Variants in CALN1 observed in about 807,000 individuals in gnomAD.
The protein encoded by CALN1 is calneuron 1.
In CALN1, 17 loss-of-function variants were observed where a neutral mutation model predicts 30.6. That is an observed-to-expected ratio of 0.56 (90% CI 0.38 to 0.83). The LOEUF (loss-of-function observed/expected upper bound fraction) is 0.83. Ranked by LOEUF, CALN1 falls within the 40% of genes least tolerant of loss-of-function variation. CALN1 has a pLI of 0.00. For synonymous variants in CALN1, 156 were observed against 131.4 expected (o/e 1.19, Z -1.28); for missense variants, 291 against 354.9 (o/e 0.82, Z 1.45).
chr7:72,007,195 G>A (rs529381742), intron 5 of CALN1, among the ~76,000 whole-genome samples: 2 of 152,200 alleles, frequency 1.3e-5, no homozygotes, highest in African/African-American at 4.8e-5. Flanking sequence ...ACTTCCACCA[G>A]CCACGTGACT....
chr7:71,833,448 C>T (rs572953129), intron 5 of CALN1, among the ~76,000 whole-genome samples: 4 of 151,564 alleles, frequency 2.6e-5, no homozygotes, highest in South Asian at 2.1e-4. Context: ...AAATATGTGG[C>T]AAATGGAGAC....
chr7:71,867,711 G>A (rs1285885708), intron 5 of CALN1, among the ~76,000 whole-genome samples: 2 of 152,174 alleles, frequency 1.3e-5, no homozygotes, highest in Non-Finnish European at 2.9e-5. Flanking sequence ...GGGATCACAG[G>A]AGTGAGCTAC....
chr7:72,049,549 C>T (rs925791973), intron 4 of CALN1, among the ~76,000 whole-genome samples: 3 of 152,142 alleles, frequency 2.0e-5, no homozygotes, highest in Non-Finnish European at 4.4e-5. Flanking sequence ...CTCTTGTTGC[C>T]CAGTCTGGAG....
intron 5 of CALN1, among the ~76,000 whole-genome samples, chr7:71,931,545 G>T (rs1369703762): frequency 6.6e-6 from 1 of 152,206 alleles, no homozygotes; most frequent in Non-Finnish European, 1.5e-5. Context: ...GGAATTACAA[G>T]CATGCGCCAC....
At chr7:72,245,611 T>G (rs1795106908) in intron 3 of CALN1, among the ~76,000 whole-genome samples, 1 of 145,044 alleles carries the variant, frequency 6.9e-6, no homozygotes, top group African/African-American at 2.6e-5. Context: ...AGAATGAAAC[T>G]CCATCTCTAA....
At chr7:71,857,235 G>A (rs1258451200) in intron 5 of CALN1, among the ~76,000 whole-genome samples, 2 of 152,136 alleles carry the variant, frequency 1.3e-5, no homozygotes, top group South Asian at 2.1e-4. Flanking sequence ...AATGGGCTAA[G>A]TGAATTTTGG....
intron 2 of CALN1, among the ~76,000 whole-genome samples, chr7:72,329,350 G>A (rs1194010393): frequency 6.6e-6 from 1 of 152,226 alleles, no homozygotes; most frequent in Non-Finnish European, 1.5e-5. Context: ...GACAGCTGGA[G>A]ACAGGATGAT....
At chr7:72,162,440 AGAG>A (rs1283329373) in intron 3 of CALN1, among the ~76,000 whole-genome samples, 1 of 152,118 alleles carries the variant, frequency 6.6e-6, no homozygotes, top group African/African-American at 2.4e-5. Flanking sequence ...TAAAAAACAA[AGAG>A]GATATATGGG....
chr7:71,973,391 G>C (rs1797946902), intron 5 of CALN1, among the ~76,000 whole-genome samples: 1 of 152,134 alleles, frequency 6.6e-6, no homozygotes, highest in Non-Finnish European at 1.5e-5. Context: ...GGCCAGGCTG[G>C]TCTCAAACTC....
At position 72,212,486 on chromosome 7, in the gene CALN1, T is replaced by G. The variant is rs1167895826; in HGVS notation, c.244+66200A>C. On this transcript the variant is annotated intron_variant, in intron 3 of 6. Coordinates refer to ENST00000395275, the MANE Select transcript of CALN1 (RefSeq NM_031468.4). ...CCAAAATATCTTCATCTTCAATCAA[T>G]GCATTGGGGGTACCATAGAAGACGA... 3.3e-5 allele frequency among the ~76,000 whole-genome samples: 5 copies of G among 152,036 alleles called. No individual in the cohort carries two copies. In the East Asian group the frequency reaches 7.7e-4, roughly 23 times the overall value.
intron 3 of CALN1, among the ~76,000 whole-genome samples, chr7:72,196,316 G>A (rs1385341819): frequency 1.3e-5 from 2 of 152,086 alleles, no homozygotes; most frequent in Admixed American, 6.5e-5. Flanking sequence ...ATGCGGTTTC[G>A]CCATGTTGCC....
At chr7:71,890,599 CATA>C (rs1328956796) in intron 5 of CALN1, among the ~76,000 whole-genome samples, 1 of 151,944 alleles carries the variant, frequency 6.6e-6, no homozygotes, top group Non-Finnish European at 1.5e-5. Context: ...AAAAATTATC[CATA>C]ATATTTTATC....
At chr7:72,105,769 A>AAGG (rs1313259645) in intron 4 of CALN1, among the ~76,000 whole-genome samples, 4 of 115,248 alleles carry the variant, frequency 3.5e-5, no homozygotes, top group East Asian at 3.8e-4. Flanking sequence ...GAGGAAGAAG[A>AAGG]AGGAGGAGGA....
chr7:72,198,672 G>T (rs541800734), intron 3 of CALN1, among the ~76,000 whole-genome samples: 1 of 151,870 alleles, frequency 6.6e-6, no homozygotes, highest in East Asian at 1.9e-4. Flanking sequence ...ACCTAAAAAA[G>T]AAAAAGGGAT....
At chr7:72,195,498 C>T (rs1278440966) in intron 3 of CALN1, among the ~76,000 whole-genome samples, 1 of 152,174 alleles carries the variant, frequency 6.6e-6, no homozygotes, top group Non-Finnish European at 1.5e-5. Context: ...GCTTCAGCCT[C>T]CTGAGTAGCT....
intron 5 of CALN1, among the ~76,000 whole-genome samples, chr7:71,825,485 T>A (rs994715273): frequency 6.6e-6 from 1 of 152,166 alleles, no homozygotes; most frequent in East Asian, 1.9e-4. Flanking sequence ...AATGAAGACA[T>A]ACCTGAGACT....
rs148580346 is a variant in CALN1, at chr7:72,367,908, T to C, written c.119+35343A>G. Among the ~76,000 whole-genome samples, 184 of 152,036 alleles carry C rather than the reference T, an allele frequency of 1.2e-3. 1 individual carries two copies. The highest frequency in any genetic ancestry group is 4.2e-3 in the African/African-American group (174 of 41,454). On this transcript the variant is annotated intron_variant, in intron 2 of 6. Coordinates refer to ENST00000395275, the MANE Select transcript of CALN1 (RefSeq NM_031468.4). ...CAACACTTTGGGAGGCCGAGGCGGA[T>C]GGATCACCAGGCCAGGAGATTGAGA...
At chr7:71,916,300 G>A (rs1794685234) in intron 5 of CALN1, among the ~76,000 whole-genome samples, 1 of 151,884 alleles carries the variant, frequency 6.6e-6, no homozygotes, top group Non-Finnish European at 1.5e-5. Flanking sequence ...GTAAAATGTA[G>A]ACTCCTTCCT....
chr7:71,847,452 C>T (rs1184768697), intron 5 of CALN1, among the ~76,000 whole-genome samples: 1 of 151,820 alleles, frequency 6.6e-6, no homozygotes, highest in African/African-American at 2.4e-5. Context: ...GAGTTCAAGA[C>T]CAGCCTGGCC....
Sources: gnomAD v4.1 joint callset for allele counts (sites outside exome capture counted in the v4.1 genomes callset) on GRCh38, gnomAD v4.1.1 for gene constraint, MANE v1.5 for transcripts, NCBI Gene and HGNC (gene_info 2026-07-23, HGNC 2026-07-21) for gene names.